BIRC6: variants seen among roughly 807,000 people sequenced by gnomAD.
BIRC6 encodes the protein baculoviral IAP repeat containing 6, also known as dual E2 ubiquitin-conjugating enzyme/E3 ubiquitin-protein ligase BIRC6.
BIRC6 carries 98 observed loss-of-function variants against 503.3 expected under a neutral mutation model. The observed-to-expected ratio is 0.19, with a 90% confidence interval of 0.17 to 0.23. The LOEUF (loss-of-function observed/expected upper bound fraction) is 0.23, where lower values mean the gene tolerates loss of function less well. Among genes scored for constraint, BIRC6 ranks in the 10% least tolerant of loss-of-function variants. The pLI is 1.00. For missense variants in BIRC6, 5,360 were observed against 5,806.0 expected, an observed-to-expected ratio of 0.92 and a Z score of 2.50; for synonymous variants, 2,240 against 2,078.7, an observed-to-expected ratio of 1.08 and a Z score of -2.11.
chr2:32,504,527 C>G (rs530234247), intron 49 of BIRC6, among the ~76,000 whole-genome samples: 1 of 151,874 alleles, frequency 6.6e-6, no homozygotes. Context: ...ATTAGCTGGG[C>G]GTGGTTGCAG....
At chr2:32,574,852 A>C in intron 65 of BIRC6, 1 of 373,788 alleles carries the variant, frequency 2.7e-6, no homozygotes, top group Admixed American at 4.0e-5. Flanking sequence ...AGGTTCAAAC[A>C]GTTCTCCTGC....
chr2:32,484,084 C>T (rs1182500542), intron 39 of BIRC6, among the ~76,000 whole-genome samples: 3 of 152,218 alleles, frequency 2.0e-5, no homozygotes, highest in Non-Finnish European at 4.4e-5. Flanking sequence ...ACCATTTTGA[C>T]CAGGCTGTTC....
chr2:32,573,036 C>T (rs184488028), intron 65 of BIRC6, among the ~76,000 whole-genome samples: 83 of 152,342 alleles, frequency 5.4e-4, no homozygotes, highest in Admixed American at 1.6e-3. Context: ...TTCTCCTCCC[C>T]TGCTTTAGTT....
chr2:32,404,669 T>C (rs1305099997), intron 8 of BIRC6, among the ~76,000 whole-genome samples: 6 of 151,632 alleles, frequency 4.0e-5, no homozygotes, highest in Non-Finnish European at 7.4e-5. Flanking sequence ...ATTTTACAAA[T>C]ATATATATAT....
intron 32 of BIRC6, among the ~76,000 whole-genome samples, chr2:32,472,025 G>A (rs1459043031): frequency 6.6e-6 from 1 of 152,186 alleles, no homozygotes; most frequent in Non-Finnish European, 1.5e-5. Context: ...AGTTTACTCA[G>A]TTGTAGGATA....
chr2:32,484,919 T>G (rs911149967), intron 39 of BIRC6, among the ~76,000 whole-genome samples: 1 of 152,188 alleles, frequency 6.6e-6, no homozygotes, highest in African/African-American at 2.4e-5. Flanking sequence ...TTTTTTGATG[T>G]TCAGATTGTC....
chr2:32,513,149 C>G lies in BIRC6; in HGVS notation c.10563C>G (p.Leu3521=). 1 of 1,611,694 alleles carries G rather than the reference C, an allele frequency of 6.2e-7. No homozygotes were observed. Among genetic ancestry groups the G allele is most frequent in the South Asian group, 1.1e-5 (1 of 90,998 alleles). ...TACCAGCACTCCTGGACCAAGAGCT[C>G]TTTGAGTAAGTATGATTTGTGAAAT... The part of the protein sequence containing the change: ...YDLPALLDQE[L]FELLFNWSMS... Residue 3521 remains leucine, a synonymous_variant, in exon 54 of 74, where the codon CTC becomes CTG. Transcript: ENST00000421745.
At chr2:32,599,635 C>A in intron 69 of BIRC6, 104 bp from the exon 70 acceptor site, 1 of 1,218,412 alleles carries the variant, frequency 8.2e-7, no homozygotes. Context: ...GGGACTCCAT[C>A]TCCAAAAACG....
At chr2:32,595,651 C>A (rs1452475339) in intron 68 of BIRC6, among the ~76,000 whole-genome samples, 1 of 152,170 alleles carries the variant, frequency 6.6e-6, no homozygotes, top group Non-Finnish European at 1.5e-5. Context: ...AAAACACATA[C>A]CAAATTTTGA....
intron 20 of BIRC6, among the ~76,000 whole-genome samples, chr2:32,444,676 A>G (rs183503453): frequency 4.9e-4 from 74 of 152,292 alleles, no homozygotes; most frequent in African/African-American, 1.8e-3. Context: ...GCTTGAGGCC[A>G]GGAGTTTAAA....
In BIRC6 at chr2:32,469,380, TC is replaced by T; in HGVS notation, c.6128-14del. 6.3e-6 allele frequency: 10 copies of T among 1,593,104 alleles called. No homozygotes were observed. Among genetic ancestry groups the T allele is most frequent in the Non-Finnish European group, 8.6e-6 (10 of 1,168,696 alleles). On this transcript the variant is annotated splice_polypyrimidine_tract_variant and intron_variant, in intron 29 of 73. Transcript: ENST00000421745. ...ATTTAAATAGGAAAGTTTACTGTTTTCTTTCTTGTAATAGGACACTCTGTTC... is the reference window on the plus strand; with the variant it reads ...ATTTAAATAGGAAAGTTTACTGTTTTTTTCTTGTAATAGGACACTCTGTTC...
At chr2:32,551,952 T>C (rs1402117729) in intron 65 of BIRC6, among the ~76,000 whole-genome samples, 6 of 152,194 alleles carry the variant, frequency 3.9e-5, no homozygotes, top group Non-Finnish European at 5.9e-5. Flanking sequence ...CAAGGGATGA[T>C]TTGCTTATAT....
chr2:32,427,645 TCTCTATACCCCTGGTTTC>T (rs1312939335), intron 10 of BIRC6, among the ~76,000 whole-genome samples: 2 of 152,148 alleles, frequency 1.3e-5, no homozygotes, highest in Non-Finnish European at 2.9e-5. Context: ...TTTCCTGTAA[TCTCTATACCCCTGGTTTC>T]CTCTTATTCT....
At chr2:32,363,093 G>A (rs1481471245) in intron 1 of BIRC6, among the ~76,000 whole-genome samples, 1 of 152,212 alleles carries the variant, frequency 6.6e-6, no homozygotes. Context: ...CACCTTGGGA[G>A]GCTGAGGCAG....
intron 65 of BIRC6, chr2:32,574,771 G>A (rs1170690828): frequency 1.5e-5 from 4 of 262,572 alleles, no homozygotes; most frequent in South Asian, 4.5e-5. Flanking sequence ...TTTTTGAGAC[G>A]GAGTTTCACT....
chr2:32,558,947 A>G (rs1211161190), intron 65 of BIRC6: 1 of 152,082 alleles, frequency 6.6e-6, no homozygotes, highest in East Asian at 1.9e-4. Flanking sequence ...TGAATCACAT[A>G]TTTCCTCCAA....
intron 45 of BIRC6, among the ~76,000 whole-genome samples, chr2:32,494,116 T>G (rs1390607080): frequency 6.6e-6 from 1 of 152,226 alleles, no homozygotes; most frequent in Non-Finnish European, 1.5e-5. Context: ...AGAATAAATT[T>G]TGACCATAAT....
At chr2:32,370,351 T>A (rs1202987235) in intron 1 of BIRC6, among the ~76,000 whole-genome samples, 1 of 152,172 alleles carries the variant, frequency 6.6e-6, no homozygotes, top group African/African-American at 2.4e-5. Context: ...TTAATGTGAA[T>A]GAAGAGAATC....
intron 62 of BIRC6, among the ~76,000 whole-genome samples, chr2:32,543,854 G>T (rs530856389): frequency 1.3e-5 from 2 of 152,290 alleles, no homozygotes; most frequent in South Asian, 4.1e-4. Flanking sequence ...ATAGAAACAA[G>T]GGATGTACAT....
Sources: gnomAD v4.1 joint callset for allele counts (sites outside exome capture counted in the v4.1 genomes callset) on GRCh38, gnomAD v4.1.1 for gene constraint, MANE v1.5 for transcripts, NCBI Gene and HGNC (gene_info 2026-07-23, HGNC 2026-07-21) for gene names.